Variants in UHRF1 observed in about 807,000 individuals in gnomAD.
The protein encoded by UHRF1 is ubiquitin like with PHD and ring finger domains 1.
Under a neutral mutation model 96.5 loss-of-function variants are expected in UHRF1, and 9 were observed. That is an observed-to-expected ratio of 0.09 (90% CI 0.06 to 0.16). The LOEUF (loss-of-function observed/expected upper bound fraction) is 0.16. UHRF1 is among the 10% of genes least tolerant of loss of function. The pLI, the probability that UHRF1 is intolerant of heterozygous loss-of-function variation, is 1.00. For synonymous variants in UHRF1, 455 were observed against 469.9 expected (o/e 0.97, Z 0.41); for missense variants, 626 against 1,131.1 (o/e 0.55, Z 6.40).
intron 5 of UHRF1, among the ~76,000 whole-genome samples, chr19:4,940,359 A>ATTTTTTTTTTTTT (rs543779456): frequency 7.5e-5 from 5 of 67,068 alleles, no homozygotes; most frequent in South Asian, 6.8e-4. Context: ...TGCCTTTATG[A>ATTTTTTTTTTTTT]TTTTTTTTTT....
At chr19:4,932,983 C>G in intron 5 of UHRF1, 27 bp downstream of exon 5, 1 of 1,567,754 alleles carries the variant, frequency 6.4e-7, no homozygotes, top group Middle Eastern at 1.7e-4. Flanking sequence ...GGGGCGAGCC[C>G]TTCCTCTCTC....
intron 5 of UHRF1, among the ~76,000 whole-genome samples, chr19:4,939,971 C>T (rs1441810062): frequency 1.3e-5 from 2 of 150,862 alleles, no homozygotes; most frequent in Non-Finnish European, 2.9e-5. Flanking sequence ...TTGCAGTGAG[C>T]CGAGATCGTG....
intron 5 of UHRF1, among the ~76,000 whole-genome samples, chr19:4,936,103 C>G (rs1315353874): frequency 1.3e-5 from 2 of 152,262 alleles, no homozygotes; most frequent in East Asian, 3.9e-4. Context: ...TCTGGGGATG[C>G]AGGAGGCACA....
chr19:4,960,018 A>C (rs1188288400), intron 16 of UHRF1, among the ~76,000 whole-genome samples: 1 of 152,012 alleles, frequency 6.6e-6, no homozygotes, highest in African/African-American at 2.4e-5. Context: ...GTGCCTGGCT[A>C]ATTTTTGTAT....
Position 4,918,819 on chromosome 19 carries a change from C to A in UHRF1, c.153+7781C>A, listed in dbSNP as rs184437862. Among the ~76,000 whole-genome samples the A allele has an allele frequency of 2.1e-3, 308 of 149,488 alleles. 3 individuals are homozygous for A. The highest frequency in any genetic ancestry group is 6.9e-3 in the African/African-American group (281 of 40,530). On this transcript the variant is annotated intron_variant, in intron 2 of 16. Transcript: ENST00000650932. Reference sequence around the variant, plus strand: ...CACTGCAGCCTCGAATTCCTGAGCTCAAGTGATCCTCCTGCCTCAGCCTCG... The same window carrying A: ...CACTGCAGCCTCGAATTCCTGAGCTAAAGTGATCCTCCTGCCTCAGCCTCG...
At chr19:4,931,778 T>G (rs1342800091) in intron 4 of UHRF1, among the ~76,000 whole-genome samples, 4 of 151,162 alleles carry the variant, frequency 2.6e-5, no homozygotes, top group African/African-American at 4.9e-5. Context: ...ATTTTATTTT[T>G]TTGAGACAGT....
At chr19:4,951,037 C>CGG (rs1555680302) in intron 13 of UHRF1, 41 bp downstream of exon 13, 1 of 1,541,330 alleles carries the variant, frequency 6.5e-7, no homozygotes, top group Non-Finnish European at 8.7e-7. Flanking sequence ...GAGGCCAAGG[C>CGG]GGATGGATCA....
chr19:4,923,577 C>A (rs947300785), intron 2 of UHRF1, among the ~76,000 whole-genome samples: 1 of 152,216 alleles, frequency 6.6e-6, no homozygotes, highest in Non-Finnish European at 1.5e-5. Context: ...TCACGCCGCT[C>A]TGGCAGATAT....
At chr19:4,921,800 C>T (rs1179215121) in intron 2 of UHRF1, among the ~76,000 whole-genome samples, 1 of 152,076 alleles carries the variant, frequency 6.6e-6, no homozygotes, top group African/African-American at 2.4e-5. Context: ...ATGATTTGAA[C>T]AACACAAGTA....
At chr19:4,917,697 G>A (rs1054967466) in intron 2 of UHRF1, among the ~76,000 whole-genome samples, 5 of 148,922 alleles carry the variant, frequency 3.4e-5, no homozygotes, top group African/African-American at 1.2e-4. Flanking sequence ...TCTTGCTGTC[G>A]TCCAGGCTGG....
chr19:4,930,686 G>T lies in UHRF1; in HGVS notation c.409-30G>T, dbSNP rs745698960. On this transcript the variant is annotated intron_variant, in intron 3 of 16. Transcript: ENST00000650932. The surrounding 1 kb of genome is among the most constrained non-coding windows in gnomAD (Gnocchi z 4.4). ...TCCCGTCAGTTTTCCTCACCCCGTT[G>T]GGATGCCAGACTTCCCTCATTCCTC... 2 of 1,608,254 alleles carry T rather than the reference G, an allele frequency of 1.2e-6. No homozygotes were observed. The highest frequency in any genetic ancestry group is 1.7e-6 in the Non-Finnish European group (2 of 1,176,712).
At chr19:4,913,916 ATTC>A (rs1251682310) in intron 2 of UHRF1, among the ~76,000 whole-genome samples, 1 of 145,178 alleles carries the variant, frequency 6.9e-6, no homozygotes, top group African/African-American at 2.6e-5. Flanking sequence ...GGTTCCAGCG[ATTC>A]TTCTGCCTCA....
intron 7 of UHRF1, among the ~76,000 whole-genome samples, chr19:4,942,276 C>T (rs991954837): frequency 1.3e-5 from 2 of 151,896 alleles, no homozygotes; most frequent in African/African-American, 2.4e-5. Flanking sequence ...CTGCAAGCTC[C>T]GCCTCTCGGG....
At chr19:4,958,236 G>A (rs2033907279) in intron 16 of UHRF1, among the ~76,000 whole-genome samples, 1 of 152,256 alleles carries the variant, frequency 6.6e-6, no homozygotes, top group African/African-American at 2.4e-5. Flanking sequence ...TGGTGTCTTT[G>A]GGGCTGGTGG....
At chr19:4,909,873 G>A in intron 1 of UHRF1, 1 of 379,258 alleles carries the variant, frequency 2.6e-6, no homozygotes, top group Non-Finnish European at 4.7e-6. Flanking sequence ...AGCCCGGCGG[G>A]GGGTCGAGCG....
At chr19:4,906,402 CACTTA>C (rs1450083237), upstream of UHRF1, among the ~76,000 whole-genome samples, 4 of 152,188 alleles carry the variant, frequency 2.6e-5, no homozygotes, top group Admixed American at 6.6e-5. Flanking sequence ...TCCTCTGTGA[CACTTA>C]ACTTCCATTA....
At position 4,932,929 on chromosome 19, in the gene UHRF1, G is replaced by T. The variant is rs779250502; in HGVS notation, c.758G>T (p.Arg253Leu). Residue 253 changes from arginine to leucine, a missense_variant, in exon 5 of 17, where the codon CGG becomes CTG. Coordinates refer to ENST00000650932, the MANE Select transcript of UHRF1 (RefSeq NM_001048201.3). ...AGGAAGCGCGAGACCAGGACGGCGC[G>T]GGAACTCTACGCCAACGTGGTGCTG... The part of the protein sequence containing the change: ...ISRKRETRTA[R>L]ELYANVVLGD... The T allele has an allele frequency of 6.2e-7, 1 of 1,613,142 alleles. No individual in the cohort carries two copies. Among genetic ancestry groups the T allele is most frequent in the Non-Finnish European group, 8.5e-7 (1 of 1,179,644 alleles).
Position 4,941,560 on chromosome 19 carries a change from T to G in UHRF1, c.818T>G (p.Phe273Cys). 1 of 1,613,772 alleles carries G rather than the reference T, an allele frequency of 6.2e-7. No individual in the cohort carries two copies. Among genetic ancestry groups the G allele is most frequent in the Non-Finnish European group, 8.5e-7 (1 of 1,179,806 alleles). ...TCTCTGAACGACTGTCGGATCATCT[T>G]CGTGGACGAAGTCTTCAAGATTGAG... ...DDSLNDCRIIFVDEVFKIERP... is the reference protein window; with the variant it reads ...DDSLNDCRIICVDEVFKIERP... Residue 273 changes from phenylalanine to cysteine, a missense_variant, in exon 6 of 17, where the codon TTC (phenylalanine) becomes TGC (cysteine). Coordinates refer to ENST00000650932, the MANE Select transcript of UHRF1 (RefSeq NM_001048201.3).
At chr19:4,926,089 T>G (rs1215827615) in intron 2 of UHRF1, among the ~76,000 whole-genome samples, 1 of 151,800 alleles carries the variant, frequency 6.6e-6, no homozygotes, top group East Asian at 1.9e-4. Flanking sequence ...TAGAGACAGG[T>G]TTCACCATGT....
Sources: gnomAD v4.1 joint callset for allele counts (sites outside exome capture counted in the v4.1 genomes callset) on GRCh38, gnomAD v4.1.1 for gene constraint, Gnocchi (gnomAD v3.1) non-coding constraint, MANE v1.5 for transcripts, NCBI Gene and HGNC (gene_info 2026-07-23, HGNC 2026-07-21) for gene names.